The following TNRC6B variants were observed in gnomAD, a reference collection of about 807,000 sequenced individuals.
TNRC6B encodes trinucleotide repeat containing adaptor 6B.
A neutral mutation model predicts 203.6 loss-of-function variants in TNRC6B; 52 were observed. That is an observed-to-expected ratio of 0.26 (90% confidence interval 0.20 to 0.32). TNRC6B has a LOEUF of 0.32. Among genes scored for constraint, TNRC6B ranks in the 10% least tolerant of loss-of-function variants. The pLI, the probability that TNRC6B is intolerant of heterozygous loss-of-function variation, is 1.00. For synonymous variants in TNRC6B, 838 were observed against 845.7 expected, an observed-to-expected ratio of 0.99 and a Z score of 0.16; for missense variants, 1,923 against 2,286.2, an observed-to-expected ratio of 0.84 and a Z score of 3.24.
chr22:40,113,292 A>T (rs1243316775), intron 1 of TNRC6B, among the ~76,000 whole-genome samples: 1 of 152,200 alleles, frequency 6.6e-6, no homozygotes, highest in Non-Finnish European at 1.5e-5. Flanking sequence ...CAGGTCTTGG[A>T]ATGATGGTAA....
chr22:40,168,978 A>T (rs919137400), intron 4 of TNRC6B, among the ~76,000 whole-genome samples: 3 of 152,252 alleles, frequency 2.0e-5, no homozygotes, highest in Non-Finnish European at 1.5e-5. Context: ...TTATGGATTT[A>T]CATGCCTGTC....
intron 14 of TNRC6B, 71 bp from the exon 15 acceptor site, chr22:40,301,079 A>T: frequency 6.4e-7 from 1 of 1,564,868 alleles, no homozygotes; most frequent in Non-Finnish European, 8.7e-7. Context: ...GATGGCAAAG[A>T]ACCGGGCACA....
chr22:40,303,777 G>A (rs1282456001), intron 15 of TNRC6B, among the ~76,000 whole-genome samples: 1 of 152,108 alleles, frequency 6.6e-6, no homozygotes, highest in Non-Finnish European at 1.5e-5. Context: ...TGGACGTGGT[G>A]GTGTGCACCT....
intron 1 of TNRC6B, among the ~76,000 whole-genome samples, chr22:40,219,225 C>T (rs2069675752): frequency 1.3e-5 from 2 of 152,170 alleles, no homozygotes; most frequent in Admixed American, 1.3e-4. Flanking sequence ...TACCCAGGAC[C>T]AATAGCACTT....
In TNRC6B at chr22:40,327,589, G is replaced by A. The variant is rs1317549650; in HGVS notation, c.*4348G>A. 1.3e-5 allele frequency: 2 copies of A among 152,456 alleles called. No individual in the cohort carries two copies. Among genetic ancestry groups the A allele is most frequent in the Non-Finnish European group, 2.9e-5 (2 of 68,300 alleles). The allele number at this position is 152,456 out of a possible 1,614,324, so 9.4% of individuals were successfully genotyped here. A position where few individuals can be genotyped will look rare whatever the true frequency, so the allele number is the denominator to read the frequency against. On this transcript the variant is annotated 3_prime_UTR_variant, in exon 23 of 23. Transcript: ENST00000454349. ...CCTTCTTTTTGTCAACTTGCTGGGA[G>A]CTTTGCTTTATTGGTTGGCAGTGAC...
rs2044025037 is a variant in TNRC6B at position 40,335,661 on chromosome 22, TTTTG to T, written c.*12424_*12427del. The stretch of plus-strand genomic sequence containing the variant: ...GGGCTTTTAAACAGCTTATTTTTGT[TTTTG>T]TTTAGTTTTTTTATTTTATTTTATT... On this transcript the variant is annotated 3_prime_UTR_variant, in exon 23 of 23. Coordinates refer to ENST00000454349, the MANE Select transcript of TNRC6B (RefSeq NM_001162501.2). 6.6e-6 allele frequency: 1 copy of T among 151,806 alleles called. No homozygotes were observed. The highest frequency in any genetic ancestry group is 2.4e-5 in the African/African-American group (1 of 41,358). The allele number at this position is 151,806 out of a possible 1,614,324, so 9.4% of individuals were successfully genotyped here.
intron 1 of TNRC6B, among the ~76,000 whole-genome samples, chr22:40,241,149 C>G (rs1170572224): frequency 6.6e-6 from 1 of 152,132 alleles, no homozygotes; most frequent in Non-Finnish European, 1.5e-5. Flanking sequence ...GAAACAATCT[C>G]GAACTTACAG....
At chr22:40,202,971 TGAG>T (rs2069433482) in intron 1 of TNRC6B, among the ~76,000 whole-genome samples, 1 of 152,080 alleles carries the variant, frequency 6.6e-6, no homozygotes, top group Admixed American at 6.6e-5. Context: ...CTGAATTTAG[TGAG>T]GAGGACTTCA....
At chr22:40,062,770 T>G (rs2067864830) in intron 1 of TNRC6B, among the ~76,000 whole-genome samples, 1 of 152,218 alleles carries the variant, frequency 6.6e-6, no homozygotes, top group African/African-American at 2.4e-5. Context: ...GTTGGAGAAA[T>G]ATCTATTCAG....
At chr22:40,051,842 C>T (rs190574324) in intron 1 of TNRC6B, among the ~76,000 whole-genome samples, 1 of 152,286 alleles carries the variant, frequency 6.6e-6, no homozygotes, top group African/African-American at 2.4e-5. Context: ...AAAATATTAA[C>T]ATTTAAATAG....
intron 1 of TNRC6B, among the ~76,000 whole-genome samples, chr22:40,190,649 GGC>G (rs1301102557): frequency 6.6e-6 from 1 of 152,158 alleles, no homozygotes; most frequent in Non-Finnish European, 1.5e-5. Flanking sequence ...TAATCAGGAG[GGC>G]CATGGCCAGC....
Position 40,263,998 on chromosome 22 carries a change from C to T in TNRC6B, c.458-690C>T, listed in dbSNP as rs568493675. Among the ~76,000 whole-genome samples the T allele has an allele frequency of 3.3e-5, 5 of 152,340 alleles. No homozygotes were observed. In the South Asian group the frequency reaches 1.0e-3, roughly 32 times the overall value. On this transcript the variant is annotated intron_variant, in intron 4 of 22. Coordinates refer to ENST00000454349, the MANE Select transcript of TNRC6B (RefSeq NM_001162501.2). ...GCTCTAGACAGGGAAAGATTATTTT[C>T]AGGTGATGAGCTTGAAAACAGCTTC...
intron 21 of TNRC6B, among the ~76,000 whole-genome samples, chr22:40,320,739 G>T (rs761131796): frequency 6.6e-6 from 1 of 152,148 alleles, no homozygotes; most frequent in Non-Finnish European, 1.5e-5. Context: ...CTATGAACCA[G>T]GTCAGCCATC....
At chr22:40,253,323 C>G (rs893470537) in intron 3 of TNRC6B, among the ~76,000 whole-genome samples, 1 of 151,052 alleles carries the variant, frequency 6.6e-6, no homozygotes, top group Non-Finnish European at 1.5e-5. Context: ...GTGTCCTGAC[C>G]TCGTGATCCG....
chr22:40,331,926 T>C lies in TNRC6B; in HGVS notation c.*8685T>C. On this transcript the variant is annotated 3_prime_UTR_variant, in exon 23 of 23. Coordinates refer to ENST00000454349, the MANE Select transcript of TNRC6B (RefSeq NM_001162501.2). Reference sequence around the variant, plus strand: ...TCCTCTTGCCACTGTTGCTGGCAGGTCTGATGGCCAGGTAAATTCCAGGGG... The same window carrying C: ...TCCTCTTGCCACTGTTGCTGGCAGGCCTGATGGCCAGGTAAATTCCAGGGG... 1 of 296,310 alleles carries C rather than the reference T, an allele frequency of 3.4e-6. No homozygotes were observed. Among genetic ancestry groups the C allele is most frequent in the Non-Finnish European group, 6.2e-6 (1 of 160,154 alleles). The allele number at this position is 296,310 out of a possible 1,614,324, so 18.4% of individuals were successfully genotyped here. A position where few individuals can be genotyped will look rare whatever the true frequency, so the allele number is the denominator to read the frequency against.
chr22:40,127,698 C>G (rs372911737), intron 3 of TNRC6B, among the ~76,000 whole-genome samples: 1 of 152,022 alleles, frequency 6.6e-6, no homozygotes, highest in East Asian at 1.9e-4. Flanking sequence ...ATGACAAAAC[C>G]CTGTCTCCAA....
chr22:40,118,319 G>A (rs1411980144), intron 2 of TNRC6B, among the ~76,000 whole-genome samples: 1 of 150,932 alleles, frequency 6.6e-6, no homozygotes, highest in Admixed American at 6.6e-5. Context: ...AATGCTCTTA[G>A]ACACCTTGCT....
At chr22:40,112,332 C>T (rs2068344857) in intron 1 of TNRC6B, among the ~76,000 whole-genome samples, 3 of 152,168 alleles carry the variant, frequency 2.0e-5, no homozygotes, top group African/African-American at 7.2e-5. Flanking sequence ...GAACTGAGTT[C>T]AATCCGTGAA....
chr22:40,300,433 T>G, intron 12 of TNRC6B, 22 bp from the exon 13 acceptor site: 6 of 1,526,104 alleles, frequency 3.9e-6, no homozygotes, highest in Non-Finnish European at 5.3e-6. Flanking sequence ...TTCTTTTCTT[T>G]CTTTTTTATT....
Sources: allele counts gnomAD v4.1 joint callset (sites outside exome capture counted in the v4.1 genomes callset), GRCh38; gene constraint gnomAD v4.1.1; transcripts MANE v1.5; gene names NCBI Gene and HGNC (gene_info 2026-07-23, HGNC 2026-07-21).